The following PCCB variants were observed in gnomAD, a reference collection of about 807,000 sequenced individuals.
The protein encoded by PCCB is propionyl-CoA carboxylase beta chain, mitochondrial.
PCCB carries 43 observed loss-of-function variants against 60.7 expected under a neutral mutation model. That is an observed-to-expected ratio of 0.71 (90% CI 0.55 to 0.91). The LOEUF (loss-of-function observed/expected upper bound fraction) is 0.91. Among genes scored for constraint, PCCB ranks in the 40% least tolerant of loss-of-function variants. The pLI is 0.00. For missense variants in PCCB, 766 were observed against 702.8 expected (o/e 1.09, Z -1.02); for synonymous variants, 276 against 255.9 (o/e 1.08, Z -0.75).
intron 6 of PCCB, among the ~76,000 whole-genome samples, chr3:136,284,258 A>G (rs1333546379): frequency 6.6e-6 from 1 of 152,200 alleles, no homozygotes; most frequent in Non-Finnish European, 1.5e-5. Flanking sequence ...ACTGAGTCCT[A>G]TTCAAGAAGT....
intron 6 of PCCB, among the ~76,000 whole-genome samples, chr3:136,290,702 C>G (rs913862244): frequency 1.2e-4 from 6 of 51,772 alleles, no homozygotes; most frequent in Non-Finnish European, 1.4e-4. Flanking sequence ...ATTCATCTTG[C>G]TTGATGGTCT....
At position 136,318,215 on chromosome 3, in the gene PCCB, C is replaced by T. The variant is rs542453669; in HGVS notation, c.1090+1151C>T. ...AAAAAATGAGCTGGGCGTGGTGGCA[C>T]GTGCCTGTAGTCCAGCTACTTGGGA... On this transcript the variant is annotated intron_variant, in intron 10 of 14. Coordinates refer to ENST00000251654, the MANE Select transcript of PCCB (RefSeq NM_000532.5). Among the ~76,000 whole-genome samples, 134 of 151,972 alleles carry T rather than the reference C, an allele frequency of 8.8e-4. 3 individuals are homozygous for T. The South Asian group carries it at 0.022, about 25-fold the overall frequency.
intron 8 of PCCB, among the ~76,000 whole-genome samples, chr3:136,299,215 T>C (rs961947304): frequency 3.9e-5 from 6 of 152,082 alleles, no homozygotes; most frequent in African/African-American, 1.5e-4. Flanking sequence ...TGTATACATA[T>C]ATATATGCAT....
At chr3:136,296,977 C>T (rs1016565842) in intron 7 of PCCB, among the ~76,000 whole-genome samples, 5 of 152,174 alleles carry the variant, frequency 3.3e-5, no homozygotes, top group Non-Finnish European at 5.9e-5. Flanking sequence ...AGACAATAAA[C>T]ATTGTAAATA....
chr3:136,260,983 A>T (rs1250859618), intron 4 of PCCB, among the ~76,000 whole-genome samples: 1 of 152,196 alleles, frequency 6.6e-6, no homozygotes, highest in African/African-American at 2.4e-5. Context: ...TATTTCTAAT[A>T]CTGAGGCTCA....
rs1329921366 is a variant in PCCB at position 136,302,708 on chromosome 3, T to TC, written c.966+1603dup. On this transcript the variant is annotated intron_variant, in intron 9 of 14. Transcript: ENST00000251654. The stretch of plus-strand genomic sequence containing the variant: ...TAGGTATATCTCCTAATGCTATCCC[T>TC]CCCCCCTCCCCCAACCCCACAACAG... Among the ~76,000 whole-genome samples, 3 of 105,742 alleles carry TC rather than the reference T, an allele frequency of 2.8e-5. 1 individual carries two copies. The highest frequency in any genetic ancestry group is 8.2e-5 in the African/African-American group (3 of 36,590). 69.4% of individuals were successfully genotyped at this position (105,742 alleles called of 152,430 possible). A position where few individuals can be genotyped will look rare whatever the true frequency, so the allele number is the denominator to read the frequency against.
intron 10 of PCCB, among the ~76,000 whole-genome samples, chr3:136,319,594 C>T (rs533208414): frequency 1.1e-4 from 16 of 152,202 alleles, no homozygotes; most frequent in South Asian, 2.1e-4. Flanking sequence ...GACGGGGTTT[C>T]GCCATGTTGG....
chr3:136,258,625 A>T (rs769366239), intron 3 of PCCB, among the ~76,000 whole-genome samples: 1 of 152,096 alleles, frequency 6.6e-6, no homozygotes, highest in African/African-American at 2.4e-5. Flanking sequence ...GGGGAGAGAA[A>T]AAAAGGGGCC....
intron 2 of PCCB, 178 bp downstream of exon 2, chr3:136,256,153 G>C (rs901509556): frequency 2.2e-6 from 2 of 905,338 alleles, no homozygotes; most frequent in Non-Finnish European, 3.3e-6. Context: ...ATGTTGGTCA[G>C]GCTGGCCTTG....
chr3:136,261,793 A>G (rs949928866), intron 4 of PCCB, among the ~76,000 whole-genome samples, 159 bp from the exon 5 acceptor site: 5 of 152,206 alleles, frequency 3.3e-5, no homozygotes, highest in Non-Finnish European at 7.3e-5. Context: ...GTCTTCCATG[A>G]AGGTACCCAA....
intron 9 of PCCB, among the ~76,000 whole-genome samples, chr3:136,315,502 G>T (rs1934854073): frequency 6.6e-6 from 1 of 152,012 alleles, no homozygotes; most frequent in African/African-American, 2.4e-5. Flanking sequence ...ACTCCATCCT[G>T]GGCAGCTAAG....
intron 10 of PCCB, among the ~76,000 whole-genome samples, chr3:136,317,521 A>G (rs1269903173): frequency 6.6e-6 from 1 of 152,032 alleles, no homozygotes; most frequent in East Asian, 1.9e-4. Context: ...GAGACACCAC[A>G]ACTGGCCTAT....
chr3:136,323,067 CT>C (rs1935165852), intron 10 of PCCB, among the ~76,000 whole-genome samples: 1 of 141,234 alleles, frequency 7.1e-6, no homozygotes, highest in Non-Finnish European at 1.5e-5. Flanking sequence ...TATAATATGT[CT>C]CAGTGTGGGT....
intron 9 of PCCB, among the ~76,000 whole-genome samples, chr3:136,314,295 T>C (rs1032303993): frequency 1.3e-5 from 2 of 152,174 alleles, no homozygotes; most frequent in Non-Finnish European, 2.9e-5. Flanking sequence ...TAAGTTCATA[T>C]TGATACCTAT....
At chr3:136,314,614 C>T (rs1019996606) in intron 9 of PCCB, among the ~76,000 whole-genome samples, 7 of 151,988 alleles carry the variant, frequency 4.6e-5, no homozygotes, top group African/African-American at 1.7e-4. Flanking sequence ...GAGGTTGCTC[C>T]ACTGCACTCC....
chr3:136,259,841 C>G (rs555805727), intron 3 of PCCB, among the ~76,000 whole-genome samples: 274 of 152,308 alleles, frequency 1.8e-3, no homozygotes, highest in African/African-American at 6.4e-3. Flanking sequence ...CAGCCTCCGC[C>G]TCTTGGATTC....
At chr3:136,260,586 T>C (rs1351766586) in intron 4 of PCCB, 51 bp downstream of exon 4, 4 of 1,427,844 alleles carry the variant, frequency 2.8e-6, no homozygotes, top group Non-Finnish European at 9.9e-7. Flanking sequence ...AGTTACATAG[T>C]GCTTATTGAG....
intron 5 of PCCB, among the ~76,000 whole-genome samples, chr3:136,278,893 T>A (rs141562447): frequency 2.2e-4 from 34 of 152,324 alleles, no homozygotes; most frequent in African/African-American, 7.2e-4. Flanking sequence ...AGGTGTTAAG[T>A]CTGCAACTAT....
chr3:136,275,334 GTTT>G (rs1160837398), intron 5 of PCCB, among the ~76,000 whole-genome samples: 2 of 151,172 alleles, frequency 1.3e-5, no homozygotes, highest in African/African-American at 2.4e-5. Flanking sequence ...ATTCTGAATT[GTTT>G]TTTAAGTTTT....
Sources: allele counts gnomAD v4.1 joint callset (sites outside exome capture counted in the v4.1 genomes callset), GRCh38; gene constraint gnomAD v4.1.1; transcripts MANE v1.5; gene names NCBI Gene and HGNC (gene_info 2026-07-23, HGNC 2026-07-21).